The following FBXO9 variants were observed in gnomAD, a reference collection of about 807,000 sequenced individuals.
FBXO9 encodes F-box protein 9.
A neutral mutation model predicts 63.7 loss-of-function variants in FBXO9; 43 were observed. The ratio of observed to expected loss-of-function variants is 0.67; its 90% confidence interval spans 0.53 to 0.87. The LOEUF (loss-of-function observed/expected upper bound fraction) is 0.87. FBXO9 is among the 40% of genes least tolerant of loss of function. The pLI, the probability that FBXO9 is intolerant of heterozygous loss-of-function variation, is 0.00. For synonymous variants in FBXO9, 156 were observed against 171.7 expected, an observed-to-expected ratio of 0.91 and a Z score of 0.72; for missense variants, 442 against 533.2, an observed-to-expected ratio of 0.83 and a Z score of 1.68.
At chr6:53,076,793 T>C (rs1769128434) in intron 4 of FBXO9, among the ~76,000 whole-genome samples, 2 of 64,810 alleles carry the variant, frequency 3.1e-5, no homozygotes, top group Admixed American at 1.9e-4. Context: ...TACTGTATTT[T>C]TTTTTTAAAT....
chr6:53,092,926 C>G, intron 9 of FBXO9, 102 bp downstream of exon 9: 1 of 672,464 alleles, frequency 1.5e-6, no homozygotes, highest in Non-Finnish European at 2.4e-6. Flanking sequence ...CGCAAAATGG[C>G]CCTCAGTATT....
At chr6:53,093,429 G>T (rs1038957191) in intron 9 of FBXO9, 37 bp from the exon 10 acceptor site, 3 of 1,389,428 alleles carry the variant, frequency 2.2e-6, no homozygotes, top group Non-Finnish European at 3.1e-6. Flanking sequence ...ACTTTGTGTG[G>T]GGGGTGTGTT....
At chr6:53,093,141 C>A in intron 9 of FBXO9, 1 of 382,640 alleles carries the variant, frequency 2.6e-6, no homozygotes, top group East Asian at 4.2e-5. Flanking sequence ...ACATGTTAAC[C>A]GTTGTGTGTG....
At chr6:53,081,565 G>A (rs1015051634) in intron 6 of FBXO9, among the ~76,000 whole-genome samples, 6 of 152,164 alleles carry the variant, frequency 3.9e-5, no homozygotes, top group East Asian at 1.9e-4. Flanking sequence ...GAGGCACTGC[G>A]CCCAGCCCAG....
chr6:53,095,518 A>T lies in FBXO9; in HGVS notation c.1059A>T (p.Pro353=). 6.2e-7 allele frequency: 1 copy of T among 1,608,434 alleles called. No individual in the cohort carries two copies. The highest frequency in any genetic ancestry group is 8.5e-7 in the Non-Finnish European group (1 of 1,178,062). ...ATGCATCTTTTCTTTTGCAGAAACC[A>T]CTTGACTATAAATACAGATATTTTC... ...AVITKKKEEK[P]LDYKYRYFRR... The change falls in exon 12 of 13, where the codon CCA becomes CCT. Residue 353 remains proline (P), a synonymous_variant. Transcript: ENST00000323557.
chr6:53,076,545 TA>T lies in FBXO9; in HGVS notation c.307+7del. On this transcript the variant is annotated splice_donor_region_variant and intron_variant, in intron 4 of 12. Transcript: ENST00000323557. ...AACAAAATGGAGCTCTCTATGAAGG[TA>T]AAAATTCAGAGCCCAGGTTCATATC... 2 of 1,530,436 alleles carry T rather than the reference TA, an allele frequency of 1.3e-6. No homozygotes were observed. The highest frequency in any genetic ancestry group is 2.5e-5 in the Admixed American group (1 of 40,730). 94.8% of individuals were successfully genotyped at this position (1,530,436 alleles called of 1,614,324 possible).
chr6:53,075,490 C>T (rs1370516788), intron 3 of FBXO9, among the ~76,000 whole-genome samples: 3 of 150,250 alleles, frequency 2.0e-5, no homozygotes, highest in East Asian at 4.1e-4. Flanking sequence ...AAGCAGTCTA[C>T]CTGCTTCAGC....
chr6:53,066,242 A>G, intron 1 of FBXO9: 2 of 743,214 alleles, frequency 2.7e-6, no homozygotes, highest in African/African-American at 1.9e-5. Flanking sequence ...AGGCCCACCG[A>G]CAGTCCCTGC....
chr6:53,074,169 A>G (rs548742970), intron 3 of FBXO9, among the ~76,000 whole-genome samples: 2 of 152,170 alleles, frequency 1.3e-5, no homozygotes, highest in Non-Finnish European at 2.9e-5. Flanking sequence ...TCTAACATTC[A>G]TATCTCTTCT....
At position 53,090,222 on chromosome 6, in the gene FBXO9, G is replaced by T. The variant is rs545163024; in HGVS notation, c.654-2207G>T. On this transcript the variant is annotated intron_variant, in intron 7 of 12. Coordinates refer to ENST00000323557, the MANE Select transcript of FBXO9 (RefSeq NM_033480.3). ...TTTAATGGCCTTTGTGCAGGGTTGTGTTTTTTGTAGTCTTTTTTGTTATCA... is the reference window on the plus strand; with the variant it reads ...TTTAATGGCCTTTGTGCAGGGTTGTTTTTTTTGTAGTCTTTTTTGTTATCA... Among the ~76,000 whole-genome samples the T allele has an allele frequency of 2.7e-3, 417 of 152,284 alleles. 9 individuals are homozygous for T. Among genetic ancestry groups the T allele is most frequent in the Non-Finnish European group, 3.7e-4 (25 of 68,012 alleles).
rs1235627455 is a variant in FBXO9 at position 53,097,755 on chromosome 6, G to A, written c.1239G>A (p.Glu413=). The part of the protein sequence containing the change: ...STGETAVSAF[E]IDKMYTPLFF... ...GTGAGACTGCAGTCAGTGCTTTTGA[G>A]ATTGACAAGATGTACACCCCCTTGT... The change falls in exon 13 of 13, where the codon GAG becomes GAA. Residue 413 remains glutamate, a synonymous_variant. Transcript: ENST00000323557. 1 of 1,605,750 alleles carries A rather than the reference G, an allele frequency of 6.2e-7. No individual in the cohort carries two copies. Among genetic ancestry groups the A allele is most frequent in the Non-Finnish European group, 8.5e-7 (1 of 1,175,566 alleles).
chr6:53,076,625 T>G, intron 4 of FBXO9, 82 bp downstream of exon 4: 2 of 1,012,832 alleles, frequency 2.0e-6, no homozygotes, highest in South Asian at 3.9e-5. Context: ...TTTCTATAAC[T>G]TATTTGGTAT....
intron 6 of FBXO9, among the ~76,000 whole-genome samples, chr6:53,081,921 T>C (rs1312799747): frequency 1.3e-5 from 2 of 152,032 alleles, no homozygotes; most frequent in African/African-American, 4.8e-5. Context: ...ATACAAAAAT[T>C]AGCTGGGCGT....
At chr6:53,069,731 C>T (rs1324799408) in intron 1 of FBXO9, among the ~76,000 whole-genome samples, 1 of 152,108 alleles carries the variant, frequency 6.6e-6, no homozygotes, top group Non-Finnish European at 1.5e-5. Context: ...ACATATCAAG[C>T]AATTACAATG....
At chr6:53,092,994 T>C in intron 9 of FBXO9, 170 bp downstream of exon 9, 1 of 455,450 alleles carries the variant, frequency 2.2e-6, no homozygotes, top group Non-Finnish European at 3.9e-6. Context: ...TAATATAAAT[T>C]ACAGAATTTC....
chr6:53,065,785 C>T lies in FBXO9; in HGVS notation c.-5C>T. On this transcript the variant is annotated 5_prime_UTR_variant, in exon 1 of 13. Transcript: ENST00000323557. Reference sequence around the variant, plus strand: ...CCCTCGAGCGCAGCAGGCCGCCCCGCCAGCATGGTAACCTGGCCAGGGGGC... The same window carrying T: ...CCCTCGAGCGCAGCAGGCCGCCCCGTCAGCATGGTAACCTGGCCAGGGGGC... 7.2e-7 allele frequency: 1 copy of T among 1,386,160 alleles called. No homozygotes were observed. The highest frequency in any genetic ancestry group is 1.5e-5 in the South Asian group (1 of 64,680). The allele number at this position is 1,386,160 out of a possible 1,614,324, so 85.9% of individuals were successfully genotyped here.
At position 53,065,750 on chromosome 6, in the gene FBXO9, C is replaced by A; in HGVS notation, c.-40C>A. The A allele has an allele frequency of 7.1e-7, 1 of 1,417,196 alleles. No homozygotes were observed. The highest frequency in any genetic ancestry group is 1.4e-5 in the South Asian group (1 of 69,822). 87.8% of individuals were successfully genotyped at this position (1,417,196 alleles called of 1,614,324 possible). ...CCTCCGGGGGGCGGTGCAGAGGGGG[C>A]ACGGAGAGCCCCTCGAGCGCAGCAG... is the stretch of plus-strand genomic sequence containing the variant. On this transcript the variant is annotated 5_prime_UTR_variant, in exon 1 of 13. Transcript: ENST00000323557.
At chr6:53,065,859 G>C in intron 1 of FBXO9, 67 bp downstream of exon 1, 1 of 1,267,230 alleles carries the variant, frequency 7.9e-7, no homozygotes, top group South Asian at 2.6e-5. Context: ...GAGGGGCCGG[G>C]CCTAGGGCTG....
At chr6:53,097,695 T>C in intron 12 of FBXO9, 27 bp from the exon 13 acceptor site, 1 of 1,350,122 alleles carries the variant, frequency 7.4e-7, no homozygotes, top group Non-Finnish European at 1.0e-6. Context: ...TTCCTCATAC[T>C]AGTAATTTTG....
Sources: gnomAD v4.1 joint callset for allele counts (sites outside exome capture counted in the v4.1 genomes callset) on GRCh38, gnomAD v4.1.1 for gene constraint, MANE v1.5 for transcripts, NCBI Gene and HGNC (gene_info 2026-07-23, HGNC 2026-07-21) for gene names.